Variants in AOC1 observed in about 807,000 individuals in gnomAD.
The protein encoded by AOC1 is diamine oxidase [copper-containing].
In AOC1, 58 loss-of-function variants were observed where a neutral mutation model predicts 57.1. The ratio of observed to expected loss-of-function variants is 1.02; its 90% CI spans 0.82 to 1.26. The LOEUF (loss-of-function observed/expected upper bound fraction) is 1.26. AOC1 is among the 50% of genes most tolerant of loss of function. AOC1 has a pLI of 0.00. For missense variants in AOC1, 917 were observed against 1,005.3 expected (o/e 0.91, Z 1.19); for synonymous variants, 401 against 423.4 (o/e 0.95, Z 0.65).
chr7:150,861,152 C>G lies in AOC1; in HGVS notation c.2199C>G (p.Asp733Glu), dbSNP rs139662545. 7.2e-5 allele frequency: 116 copies of G among 1,613,254 alleles called. 3 individuals are homozygous for G. In the Middle Eastern group the frequency reaches 1.8e-3, roughly 25 times the overall value. Residue 733 changes from aspartate to glutamate, a missense_variant, in exon 5 of 5, where the codon GAC (aspartate) becomes GAG (glutamate). Physicochemically the swap from Asp to Glu is conservative, Grantham distance 45. Transcript: ENST00000360937. The surrounding 1 kb of genome is among the most constrained non-coding windows in gnomAD (Gnocchi z 4.5). ...PNYVQRWIPE[D>E]RDCSMPPPFS... Reference sequence around the variant, plus strand: ...ACGTCCAGCGCTGGATCCCTGAGGACAGGGACTGCTCGATGCCTCCCCCTT... The same window carrying G: ...ACGTCCAGCGCTGGATCCCTGAGGAGAGGGACTGCTCGATGCCTCCCCCTT...
intron 2 of AOC1, 58 bp downstream of exon 2, chr7:150,858,098 A>C: frequency 6.8e-7 from 1 of 1,480,562 alleles, no homozygotes; most frequent in South Asian, 1.4e-5. Flanking sequence ...AATAACTTAA[A>C]CTCCCAGGAG....
chr7:150,855,872 T>TTATTAAGAA (rs1182015296), intron 1 of AOC1, among the ~76,000 whole-genome samples: 1 of 151,472 alleles, frequency 6.6e-6, no homozygotes, highest in Non-Finnish European at 1.5e-5. Context: ...ATTATTTTCA[T>TTATTAAGAA]TTTAAAACTA....
At position 150,857,042 on chromosome 7, in the gene AOC1, G is replaced by A. The variant is rs745959263; in HGVS notation, c.572G>A (p.Gly191Asp). Residue 191 changes from glycine to aspartate, a missense_variant, in exon 2 of 5, where the codon GGT (glycine) becomes GAT (aspartate). By Grantham distance (94) the Gly-to-Asp change is moderately conservative. Transcript: ENST00000360937. This position sits in a 1 kb window ranked among gnomAD's most constrained non-coding sequence, Gnocchi z 6.6. ...GCCTTCACCGATGTGGCCCCCCGGGGTGTGGCTTCTGGCCAGCGCCGCAGT... is the reference window on the plus strand; with the variant it reads ...GCCTTCACCGATGTGGCCCCCCGGGATGTGGCTTCTGGCCAGCGCCGCAGT... ...CLAFTDVAPR[G>D]VASGQRRSWL... 3 of 1,614,130 alleles carry A rather than the reference G, an allele frequency of 1.9e-6. No homozygotes were observed. The highest frequency in any genetic ancestry group is 2.2e-5 in the South Asian group (2 of 91,088).
At chr7:150,859,249 A>G (rs949850981) in intron 3 of AOC1, among the ~76,000 whole-genome samples, 2 of 152,160 alleles carry the variant, frequency 1.3e-5, no homozygotes, top group Non-Finnish European at 2.9e-5. Context: ...AAAGAAGCCA[A>G]GTGTAACTAT....
At position 150,857,907 on chromosome 7, in the gene AOC1, G is replaced by A. The variant is rs45558339; in HGVS notation, c.1437G>A (p.Met479Ile). 1.3e-4 allele frequency: 214 copies of A among 1,613,378 alleles called. 1 individual carries two copies. The East Asian group carries it at 4.1e-3, about 31-fold the overall frequency. The change falls in exon 2 of 5, where the codon ATG becomes ATA. Residue 479 changes from methionine (M) to isoleucine (I), a missense_variant. Transcript: ENST00000360937. This position sits in a 1 kb window ranked among gnomAD's most constrained non-coding sequence, Gnocchi z 6.6. ...CCAACGGGGTGATGGAGGCCAAGATGCATGCCACTGGCTACGTCCACGCCA... is the reference window on the plus strand; with the variant it reads ...CCAACGGGGTGATGGAGGCCAAGATACATGCCACTGGCTACGTCCACGCCA... ...FYPNGVMEAK[M>I]HATGYVHATF... is the part of the protein sequence containing the mutation.
intron 1 of AOC1, among the ~76,000 whole-genome samples, chr7:150,855,110 A>T (rs1799733169): frequency 6.6e-6 from 1 of 152,226 alleles, no homozygotes; most frequent in South Asian, 2.1e-4. Context: ...TCTGTGCCTC[A>T]GGCACTGCTT....
At position 150,859,049 on chromosome 7, in the gene AOC1, G is replaced by A. The variant is rs569478898; in HGVS notation, c.1856+1G>A. 1.3e-6 allele frequency: 2 copies of A among 1,559,540 alleles called. No homozygotes were observed. Among genetic ancestry groups the A allele is most frequent in the East Asian group, 2.3e-5 (1 of 43,932 alleles). On this transcript the variant is annotated splice_donor_variant, in intron 3 of 4. Coordinates refer to ENST00000360937, the MANE Select transcript of AOC1 (RefSeq NM_001091.4). LOFTEE classifies it high-confidence loss of function. ...AGGAGCAGGCCATCACCTGGGCAAG[G>A]TGAGGAAGACCCAGGGGGCCTGGGG...
chr7:150,853,694 TA>T (rs1181566281), intron 1 of AOC1, among the ~76,000 whole-genome samples: 205 of 64,790 alleles, frequency 3.2e-3, no homozygotes, highest in East Asian at 8.0e-3. Context: ...TATATATATA[TA>T]TATTTATTTA....
chr7:150,860,654 C>T, intron 4 of AOC1, 21 bp downstream of exon 4: 1 of 1,610,572 alleles, frequency 6.2e-7, no homozygotes, highest in Non-Finnish European at 8.5e-7. Context: ...GTCCCCAGCC[C>T]TGCCCGGTGC....
Position 150,860,542 on chromosome 7 carries a change from G to A in AOC1, c.1898G>A (p.Cys633Tyr). 6 of 1,613,454 alleles carry A rather than the reference G, an allele frequency of 3.7e-6. No individual in the cohort carries two copies. Among genetic ancestry groups the A allele is most frequent in the African/African-American group, 1.3e-5 (1 of 75,014 alleles). The stretch of plus-strand genomic sequence containing the variant: ...ACCAAGTACCGGGAGTCGGAGCTGT[G>A]CAGCAGCAGCATCTACCACCAGAAC... ...AVTKYRESEL[C>Y]SSSIYHQNDP... The change falls in exon 4 of 5, where the codon TGC becomes TAC. Residue 633 changes from cysteine to tyrosine, a missense_variant. Coordinates refer to ENST00000360937, the MANE Select transcript of AOC1 (RefSeq NM_001091.4).
chr7:150,853,661 CTA>C (rs201712777), intron 1 of AOC1, among the ~76,000 whole-genome samples: 12,671 of 61,458 alleles, frequency 0.21, 759 homozygotes, highest in Non-Finnish European at 0.26. Flanking sequence ...GAGATCCTGA[CTA>C]TATATATATA....
chr7:150,856,707 G>A lies in AOC1; in HGVS notation c.237G>A (p.Lys79=). ...VFLIEMLLPK[K]YHVLRFLDKG... The stretch of plus-strand genomic sequence containing the variant: ...TCATCGAGATGCTGCTGCCCAAGAA[G>A]TACCATGTGCTGAGGTTTCTGGATA... The change falls in exon 2 of 5, where the codon AAG becomes AAA. Residue 79 remains lysine, a synonymous_variant. Transcript: ENST00000360937. The surrounding 1 kb of genome is among the most constrained non-coding windows in gnomAD (Gnocchi z 5.2). The A allele has an allele frequency of 1.2e-6, 2 of 1,614,168 alleles. No homozygotes were observed. The highest frequency in any genetic ancestry group is 2.7e-5 in the African/African-American group (2 of 75,058).
intron 3 of AOC1, 108 bp downstream of exon 3, chr7:150,859,156 A>C: frequency 8.3e-6 from 10 of 1,210,224 alleles, no homozygotes; most frequent in Admixed American, 2.9e-5. Flanking sequence ...ATGTGGATAT[A>C]CACATATACG....
At chr7:150,853,690 TATATA>T (rs1563087163) in intron 1 of AOC1, among the ~76,000 whole-genome samples, 423 of 28,346 alleles carry the variant, frequency 0.015, 7 homozygotes, top group African/African-American at 0.097. Flanking sequence ...TATATATATA[TATATA>T]TATTTATTTA....
In AOC1 at chr7:150,856,700, C is replaced by T. The variant is rs761016669; in HGVS notation, c.230C>T (p.Pro77Leu). The change falls in exon 2 of 5, where the codon CCC becomes CTC. Residue 77 changes from proline (P) to leucine (L), a missense_variant. Physicochemically the swap from Pro to Leu is moderately conservative, Grantham distance 98. Coordinates refer to ENST00000360937, the MANE Select transcript of AOC1 (RefSeq NM_001091.4). The surrounding 1 kb of genome is among the most constrained non-coding windows in gnomAD (Gnocchi z 5.2). ...GTGTTTCTCATCGAGATGCTGCTGC[C>T]CAAGAAGTACCATGTGCTGAGGTTT... ...NTVFLIEMLLPKKYHVLRFLD... is the reference protein window; with the variant it reads ...NTVFLIEMLLLKKYHVLRFLD... 3.1e-6 allele frequency: 5 copies of T among 1,614,024 alleles called. No homozygotes were observed. The African/African-American group carries it at 6.7e-5, about 22-fold the overall frequency.
rs774395471 is a variant in AOC1, at chr7:150,857,386, C to T, written c.916C>T (p.His306Tyr). ...HVSGPRLVQP[H>Y]GPRFRLEGNA... ...GAGCGGCCCCCGCTTGGTCCAGCCCCACGGCCCTCGCTTCAGGCTGGAGGG... is the reference window on the plus strand; with the variant it reads ...GAGCGGCCCCCGCTTGGTCCAGCCCTACGGCCCTCGCTTCAGGCTGGAGGG... Residue 306 changes from histidine to tyrosine, a missense_variant, in exon 2 of 5, where the codon CAC (histidine) becomes TAC (tyrosine). Physicochemically the swap from His to Tyr is moderately conservative, Grantham distance 83. Coordinates refer to ENST00000360937, the MANE Select transcript of AOC1 (RefSeq NM_001091.4). This position sits in a 1 kb window ranked among gnomAD's most constrained non-coding sequence, Gnocchi z 6.6. 9.9e-6 allele frequency: 16 copies of T among 1,610,120 alleles called. No homozygotes were observed. In the East Asian group the frequency reaches 3.6e-4, roughly 36 times the overall value.
In AOC1 at chr7:150,856,942, G is replaced by A; in HGVS notation, c.472G>A (p.Ala158Thr). ...YALLYHTLQE[A>T]TKPLHQFFLN... is the part of the protein sequence containing the mutation. Reference sequence around the variant, plus strand: ...CCTCCTCTACCACACCCTGCAGGAAGCCACCAAGCCCCTGCATCAGTTCTT... The same window carrying A: ...CCTCCTCTACCACACCCTGCAGGAAACCACCAAGCCCCTGCATCAGTTCTT... The change falls in exon 2 of 5, where the codon GCC (alanine) becomes ACC (threonine). Residue 158 changes from alanine (A) to threonine (T), a missense_variant. By Grantham distance (58) the Ala-to-Thr change is moderately conservative (BLOSUM62 0). Coordinates refer to ENST00000360937, the MANE Select transcript of AOC1 (RefSeq NM_001091.4). The surrounding 1 kb of genome is among the most constrained non-coding windows in gnomAD (Gnocchi z 5.2). The A allele has an allele frequency of 6.2e-7, 1 of 1,614,126 alleles. No individual in the cohort carries two copies. Among genetic ancestry groups the A allele is most frequent in the East Asian group, 2.2e-5 (1 of 44,870 alleles).
In AOC1 at chr7:150,861,118, G is replaced by A; in HGVS notation, c.2165G>A (p.Gly722Asp). ...DTVIVWPRDN[G>D]PNYVQRWIPE... Reference sequence around the variant, plus strand: ...GTGATCGTGTGGCCTCGGGACAACGGCCCCAACTACGTCCAGCGCTGGATC... The same window carrying A: ...GTGATCGTGTGGCCTCGGGACAACGACCCCAACTACGTCCAGCGCTGGATC... Residue 722 changes from glycine to aspartate, a missense_variant, in exon 5 of 5, where the codon GGC (glycine) becomes GAC (aspartate). Coordinates refer to ENST00000360937, the MANE Select transcript of AOC1 (RefSeq NM_001091.4). The surrounding 1 kb of genome is among the most constrained non-coding windows in gnomAD (Gnocchi z 4.5). The A allele has an allele frequency of 6.2e-7, 1 of 1,614,104 alleles. No homozygotes were observed. Among genetic ancestry groups the A allele is most frequent in the Non-Finnish European group, 8.5e-7 (1 of 1,179,974 alleles).
intron 1 of AOC1, among the ~76,000 whole-genome samples, chr7:150,853,193 T>C (rs1402612056): frequency 6.6e-6 from 1 of 152,210 alleles, no homozygotes; most frequent in Non-Finnish European, 1.5e-5. Context: ...GGTGGATCCA[T>C]GTCATTGTCC....
Sources: allele counts gnomAD v4.1 joint callset (sites outside exome capture counted in the v4.1 genomes callset), GRCh38; gene constraint gnomAD v4.1.1; non-coding constraint Gnocchi (gnomAD v3.1); transcripts MANE v1.5; gene names NCBI Gene and HGNC (gene_info 2026-07-23, HGNC 2026-07-21).